ABCA13: variants seen among roughly 807,000 people sequenced by gnomAD.
The protein encoded by ABCA13 is ATP binding cassette subfamily A member 13.
ABCA13 carries 476 observed loss-of-function variants against 478.7 expected under a neutral mutation model. That is an observed-to-expected ratio of 0.99 (90% CI 0.92 to 1.07). The LOEUF is 1.07. Among genes scored for constraint, ABCA13 ranks in the 50% least tolerant of loss-of-function variants. The pLI is 0.00. For missense variants in ABCA13, 6,060 were observed against 5,910.6 expected (o/e 1.03, Z -0.83); for synonymous variants, 2,252 against 2,158.9 (o/e 1.04, Z -1.20).
At chr7:48,528,208 T>C in intron 54 of ABCA13, 28 bp from the exon 55 acceptor site, 1 of 1,497,722 alleles carries the variant, frequency 6.7e-7, no homozygotes, top group South Asian at 1.2e-5. Context: ...TGATTGAATG[T>C]GCTTTACTTA....
intron 1 of ABCA13, among the ~76,000 whole-genome samples, chr7:48,187,000 CAT>C (rs1432692849): frequency 3.1e-5 from 4 of 129,896 alleles, no homozygotes; most frequent in South Asian, 5.1e-4. Context: ...TGTGTATATG[CAT>C]ATATATATGT....
intron 44 of ABCA13, among the ~76,000 whole-genome samples, chr7:48,469,820 T>TACTGG (rs1827280424): frequency 6.6e-6 from 1 of 151,712 alleles, no homozygotes; most frequent in Non-Finnish European, 1.5e-5. Context: ...CTCGGGAGGC[T>TACTGG]GAGGCAGGAG....
rs1795479934 is a variant in ABCA13 at position 48,647,157 on chromosome 7, C to CA, written c.*1645_*1646insA. On this transcript the variant is annotated 3_prime_UTR_variant, in exon 62 of 62. Transcript: ENST00000435803. Reference sequence around the variant, plus strand: ...GGTAGCTTGTGATCAAAGGCATATACTTCCTTATGAGATTTCTTTACTAAA... The same window carrying CA: ...GGTAGCTTGTGATCAAAGGCATATACATTCCTTATGAGATTTCTTTACTAAA... The CA allele has an allele frequency of 6.6e-6, 1 of 152,216 alleles. No homozygotes were observed. The highest frequency in any genetic ancestry group is 2.4e-5 in the African/African-American group (1 of 41,454). 9.4% of individuals were successfully genotyped at this position (152,216 alleles called of 1,614,324 possible).
intron 29 of ABCA13, among the ~76,000 whole-genome samples, chr7:48,344,673 A>G (rs1807777144): frequency 6.6e-6 from 1 of 151,992 alleles, no homozygotes; most frequent in South Asian, 2.1e-4. Flanking sequence ...TTTCCTATAT[A>G]TTGTGAGATG....
intron 55 of ABCA13, among the ~76,000 whole-genome samples, chr7:48,550,419 G>T (rs1785205171): frequency 6.6e-6 from 1 of 151,312 alleles, no homozygotes; most frequent in Non-Finnish European, 1.5e-5. Flanking sequence ...CACCATACCT[G>T]GCTAATTTTT....
intron 31 of ABCA13, among the ~76,000 whole-genome samples, chr7:48,358,193 GGACAGGA>G (rs1810246760): frequency 7.6e-6 from 1 of 131,708 alleles, no homozygotes; most frequent in Admixed American, 8.5e-5. Flanking sequence ...GGACAGGACA[GGACAGGA>G]AAGGAAAGGA....
At chr7:48,225,141 C>CTTCCTTCT (rs1381073084) in intron 5 of ABCA13, among the ~76,000 whole-genome samples, 2 of 133,926 alleles carry the variant, frequency 1.5e-5, no homozygotes, top group African/African-American at 5.7e-5. Context: ...GCCTGCCTTC[C>CTTCCTTCT]TTCCTTCCTT....
chr7:48,273,332 C>T lies in ABCA13; in HGVS notation c.3666C>T (p.Phe1222=), dbSNP rs753536937. 1.2e-6 allele frequency: 2 copies of T among 1,613,594 alleles called. No homozygotes were observed. The highest frequency in any genetic ancestry group is 1.7e-6 in the Non-Finnish European group (2 of 1,179,726). ...LFKNVTQAND[F]HNWEDFLDLR... ...AAAATGTAACTCAAGCCAATGACTTCCATAATTGGGAGGACTTCCTGGATC... is the reference window on the plus strand; with the variant it reads ...AAAATGTAACTCAAGCCAATGACTTTCATAATTGGGAGGACTTCCTGGATC... Residue 1222 remains phenylalanine (F), a synonymous_variant, in exon 17 of 62, where the codon TTC becomes TTT. Coordinates refer to ENST00000435803, the MANE Select transcript of ABCA13 (RefSeq NM_152701.5).
chr7:48,366,455 C>T (rs1811685610), intron 31 of ABCA13, among the ~76,000 whole-genome samples: 1 of 151,998 alleles, frequency 6.6e-6, no homozygotes, highest in African/African-American at 2.4e-5. Context: ...CTGTTTTAGT[C>T]CTTTCTGTGC....
intron 48 of ABCA13, among the ~76,000 whole-genome samples, chr7:48,497,870 G>C (rs1326102432): frequency 2.0e-5 from 3 of 152,228 alleles, no homozygotes; most frequent in Non-Finnish European, 4.4e-5. Context: ...AGCCAGATGG[G>C]AATGGATGCT....
intron 41 of ABCA13, among the ~76,000 whole-genome samples, chr7:48,418,293 G>A (rs906104141): frequency 4.6e-5 from 7 of 152,160 alleles, no homozygotes; most frequent in African/African-American, 1.4e-4. Flanking sequence ...ACCATTTTGT[G>A]TTTCCACCAG....
At chr7:48,595,767 G>A (rs1472053510) in intron 58 of ABCA13, among the ~76,000 whole-genome samples, 2 of 152,172 alleles carry the variant, frequency 1.3e-5, no homozygotes, top group African/African-American at 4.8e-5. Flanking sequence ...CTTCGTTTGG[G>A]AGGAGGTGTC....
At chr7:48,413,298 C>T (rs988928235) in intron 41 of ABCA13, among the ~76,000 whole-genome samples, 5 of 152,280 alleles carry the variant, frequency 3.3e-5, no homozygotes, top group South Asian at 4.1e-4. Context: ...GGGTTTAGCA[C>T]GGGAACACTG....
At chr7:48,268,031 AC>A (rs1204626662) in intron 15 of ABCA13, among the ~76,000 whole-genome samples, 1 of 151,950 alleles carries the variant, frequency 6.6e-6, no homozygotes, top group Non-Finnish European at 1.5e-5. Context: ...CTGAAGCAAG[AC>A]CCCTTTTTTG....
In ABCA13 at chr7:48,317,371, C is replaced by T. The variant is rs1584809206; in HGVS notation, c.9999+75C>T. On this transcript the variant is annotated intron_variant, in intron 27 of 61. Coordinates refer to ENST00000435803, the MANE Select transcript of ABCA13 (RefSeq NM_152701.5). ...GGAAGGAATCTTTAAAAATGTCTGA[C>T]ATAATTATTATGCGCCTTGGATTAT... 3 of 1,481,250 alleles carry T rather than the reference C, an allele frequency of 2.0e-6. No individual in the cohort carries two copies. The East Asian group carries it at 7.0e-5, about 35-fold the overall frequency. 91.8% of individuals were successfully genotyped at this position (1,481,250 alleles called of 1,614,324 possible).
chr7:48,560,914 C>A (rs1430359617), intron 55 of ABCA13, among the ~76,000 whole-genome samples: 1 of 152,000 alleles, frequency 6.6e-6, no homozygotes, highest in Non-Finnish European at 1.5e-5. Flanking sequence ...TCTGTGATTT[C>A]AGTTGTTTTA....
At chr7:48,309,617 G>A (rs1308735167) in intron 23 of ABCA13, among the ~76,000 whole-genome samples, 1 of 152,110 alleles carries the variant, frequency 6.6e-6, no homozygotes, top group Non-Finnish European at 1.5e-5. Context: ...TGCTAACTAC[G>A]GGGGTGGCAT....
intron 3 of ABCA13, 122 bp from the exon 4 acceptor site, chr7:48,219,228 AGATG>A: frequency 2.3e-6 from 2 of 881,810 alleles, no homozygotes; most frequent in Non-Finnish European, 3.3e-6. Flanking sequence ...CTCTCAGGGT[AGATG>A]ATGAGAGTGT....
intron 15 of ABCA13, among the ~76,000 whole-genome samples, chr7:48,261,493 G>A (rs1794176159): frequency 6.6e-6 from 1 of 151,542 alleles, no homozygotes; most frequent in African/African-American, 2.4e-5. Flanking sequence ...TAGAACTCCT[G>A]TTAGCCATCA....
Sources: gnomAD v4.1 joint callset for allele counts (sites outside exome capture counted in the v4.1 genomes callset) on GRCh38, gnomAD v4.1.1 for gene constraint, MANE v1.5 for transcripts, NCBI Gene and HGNC (gene_info 2026-07-23, HGNC 2026-07-21) for gene names.